The following BBS1 variants were observed in gnomAD, a reference collection of about 807,000 sequenced individuals.
BBS1 encodes BBSome complex member BBS1.
Under a neutral mutation model 73.9 loss-of-function variants are expected in BBS1, and 60 were observed. The ratio of observed to expected loss-of-function variants is 0.81; its 90% CI spans 0.66 to 1.01. The LOEUF (loss-of-function observed/expected upper bound fraction) is 1.01, where lower values mean the gene tolerates loss of function less well. BBS1 is among the 50% of genes least tolerant of loss of function. The pLI, the probability that BBS1 is intolerant of heterozygous loss-of-function variation, is 0.00. For synonymous variants in BBS1, 283 were observed against 317.4 expected (o/e 0.89, Z 1.15); for missense variants, 718 against 770.3 (o/e 0.93, Z 0.80).
intron 9 of BBS1, among the ~76,000 whole-genome samples, chr11:66,522,279 C>G (rs1856274058): frequency 6.6e-6 from 1 of 150,728 alleles, no homozygotes; most frequent in Non-Finnish European, 1.5e-5. Context: ...TTGTTACTTT[C>G]TAGGGTACAT....
intron 7 of BBS1, among the ~76,000 whole-genome samples, chr11:66,517,924 A>T (rs1856087498): frequency 6.8e-6 from 1 of 147,912 alleles, no homozygotes; most frequent in Non-Finnish European, 1.5e-5. Context: ...ATATTTTTAA[A>T]ACTAGGATTA....
intron 4 of BBS1, 98 bp from the exon 5 acceptor site, chr11:66,515,442 C>A: frequency 7.4e-7 from 1 of 1,355,110 alleles, no homozygotes; most frequent in Non-Finnish European, 1.1e-6. Flanking sequence ...AGGCAGAGAC[C>A]AAGAGGTACC....
intron 8 of BBS1, 102 bp downstream of exon 8, chr11:66,519,850 A>C (rs1206980329): frequency 6.8e-7 from 1 of 1,477,184 alleles, no homozygotes; most frequent in Non-Finnish European, 9.2e-7. Context: ...CCTTGTAGAA[A>C]AATTAGAAAC....
rs187699699 is a variant in BBS1, at chr11:66,519,387, T to C, written c.592-230T>C. Among the ~76,000 whole-genome samples the C allele has an allele frequency of 1.2e-4, 19 of 152,084 alleles. No homozygotes were observed. The East Asian group carries it at 2.9e-3, about 23-fold the overall frequency. On this transcript the variant is annotated intron_variant, in intron 7 of 16. Coordinates refer to ENST00000318312, the MANE Select transcript of BBS1 (RefSeq NM_024649.5). ...ACCTGTCTCAAGAAAAAAAAAAGACTGCATAGTTTTTGATCATATGGATGG... is the reference window on the plus strand; with the variant it reads ...ACCTGTCTCAAGAAAAAAAAAAGACCGCATAGTTTTTGATCATATGGATGG...
Position 66,531,724 on chromosome 11 carries a change from C to T in BBS1, c.1677C>T (p.Gly559=), listed in dbSNP as rs1439272525. 3 of 1,614,068 alleles carry T rather than the reference C, an allele frequency of 1.9e-6. No individual in the cohort carries two copies. The South Asian group carries it at 3.3e-5, about 18-fold the overall frequency. Residue 559 remains glycine, a synonymous_variant, in exon 16 of 17, where the codon GGC becomes GGT. Coordinates refer to ENST00000318312, the MANE Select transcript of BBS1 (RefSeq NM_024649.5). ...ETFVESLSNK[G]ISDIIKVLVL... ...TTGTGGAGAGTCTCAGTAACAAGGGCATCTCAGACATCATCAAGGTAGGCC... is the reference window on the plus strand; with the variant it reads ...TTGTGGAGAGTCTCAGTAACAAGGGTATCTCAGACATCATCAAGGTAGGCC...
chr11:66,530,842 G>A (rs374542119), intron 14 of BBS1, 52 bp from the exon 15 acceptor site: 29 of 1,613,314 alleles, frequency 1.8e-5, no homozygotes, highest in Middle Eastern at 1.6e-4. Flanking sequence ...ACTGTACTCC[G>A]TGCCCAAGGC....
chr11:66,521,759 G>T (rs1856230367), intron 9 of BBS1: 1 of 309,290 alleles, frequency 3.2e-6, no homozygotes, highest in Admixed American at 4.4e-5. Context: ...TACAAAATTA[G>T]CTGGGCATGG....
At chr11:66,521,478 A>C (rs759231126) in intron 9 of BBS1, 102 bp downstream of exon 9, 2 of 907,124 alleles carry the variant, frequency 2.2e-6, no homozygotes, top group Admixed American at 1.9e-5. Context: ...TGGAATTTGG[A>C]AATGCAAAGA....
intron 8 of BBS1, chr11:66,520,641 T>C (rs1278980219): frequency 1.2e-5 from 2 of 161,062 alleles, no homozygotes; most frequent in South Asian, 3.4e-4. Flanking sequence ...TACCATAATT[T>C]ATTTACCCTG....
intron 13 of BBS1, chr11:66,527,033 A>G (rs1856543763): frequency 6.5e-7 from 1 of 1,535,696 alleles, no homozygotes; most frequent in African/African-American, 1.4e-5. Context: ...GAGCCCTTAG[A>G]ATTCAGGGAA....
At chr11:66,527,194 G>T in intron 13 of BBS1, 2 of 565,848 alleles carry the variant, frequency 3.5e-6, no homozygotes, top group Non-Finnish European at 3.1e-6. Context: ...GTAACATAAT[G>T]ATACTTCTTT....
chr11:66,523,769 A>G lies in BBS1; in HGVS notation c.997A>G (p.Met333Val). The G allele has an allele frequency of 6.8e-6, 11 of 1,613,132 alleles. No individual in the cohort carries two copies. Among genetic ancestry groups the G allele is most frequent in the Non-Finnish European group, 8.5e-6 (10 of 1,180,026 alleles). The change falls in exon 11 of 17, where the codon ATG becomes GTG. Residue 333 changes from methionine (M) to valine (V), a missense_variant. Transcript: ENST00000318312. Reference protein sequence around the residue: ...TVQMPAAILTMNLLEQHSRGL... With the variant: ...TVQMPAAILTVNLLEQHSRGL... ...GCAGATGCCCGCAGCCATCCTGACC[A>G]TGAACCTCCTGGAGCAGCATTCCCG...
intron 4 of BBS1, 54 bp from the exon 5 acceptor site, chr11:66,515,486 A>T: frequency 6.3e-7 from 1 of 1,598,070 alleles, no homozygotes; most frequent in Non-Finnish European, 8.6e-7. Flanking sequence ...GGGTGTAGAC[A>T]TTGGGTTTCC....
intron 7 of BBS1, among the ~76,000 whole-genome samples, chr11:66,516,470 T>C (rs2134774992): frequency 6.6e-6 from 1 of 152,158 alleles, no homozygotes; most frequent in East Asian, 1.9e-4. Context: ...GGGATGGGAA[T>C]AGTTACCACT....
chr11:66,530,382 C>T (rs949981221), intron 14 of BBS1, among the ~76,000 whole-genome samples: 2 of 152,066 alleles, frequency 1.3e-5, no homozygotes, highest in African/African-American at 4.8e-5. Flanking sequence ...GAGACCAGCA[C>T]GGGCAAAAGG....
At chr11:66,521,935 G>T (rs544104949) in intron 9 of BBS1, among the ~76,000 whole-genome samples, 3 of 145,554 alleles carry the variant, frequency 2.1e-5, no homozygotes, top group African/African-American at 7.6e-5. Flanking sequence ...AAAGCAGGGG[G>T]GTGCCGGGTG....
intron 11 of BBS1, among the ~76,000 whole-genome samples, chr11:66,524,458 C>T (rs762265432): frequency 2.0e-5 from 3 of 149,644 alleles, no homozygotes; most frequent in Non-Finnish European, 4.4e-5. Flanking sequence ...TGCTAAAAAG[C>T]GCAGAGGGTG....
At chr11:66,527,435 C>T (rs962603716) in intron 13 of BBS1, 13 of 252,320 alleles carry the variant, frequency 5.2e-5, no homozygotes, top group Non-Finnish European at 9.4e-5. Context: ...CTTTGGGAGG[C>T]GGAGATGGGC....
rs752658686 is a variant in BBS1 at position 66,511,238 on chromosome 11, A to C, written c.158A>C (p.Lys53Thr). 1 of 1,614,130 alleles carries C rather than the reference A, an allele frequency of 6.2e-7. No individual in the cohort carries two copies. Among genetic ancestry groups the C allele is most frequent in the Admixed American group, 1.7e-5 (1 of 60,002 alleles). The change falls in exon 3 of 17, where the codon AAG becomes ACG. Residue 53 changes from lysine (K) to threonine (T), a missense_variant and splice_region_variant. By Grantham distance (78) the Lys-to-Thr change is moderately conservative (BLOSUM62 -1). Coordinates refer to ENST00000318312, the MANE Select transcript of BBS1 (RefSeq NM_024649.5). The part of the protein sequence containing the change: ...LADLHGDGEY[K>T]LVVGDLGPGG... ...GATTTACATGGGGATGGGGAATACA[A>C]GGTAAGCATATCACCCTAGCCAGGA...
Sources: gnomAD v4.1 joint callset for allele counts (sites outside exome capture counted in the v4.1 genomes callset) on GRCh38, gnomAD v4.1.1 for gene constraint, MANE v1.5 for transcripts, NCBI Gene and HGNC (gene_info 2026-07-23, HGNC 2026-07-21) for gene names.